ERBB4: variants seen among roughly 807,000 people sequenced by gnomAD.
ERBB4 encodes the protein receptor tyrosine-protein kinase erbB-4.
ERBB4 carries 42 observed loss-of-function variants against 158.0 expected under a neutral mutation model. The ratio of observed to expected loss-of-function variants is 0.27; its 90% confidence interval spans 0.21 to 0.34. The LOEUF is 0.34. Among genes scored for constraint, ERBB4 ranks in the 10% least tolerant of loss-of-function variants. The pLI is 1.00. For missense variants in ERBB4, 1,333 were observed against 1,624.1 expected, an observed-to-expected ratio of 0.82 and a Z score of 3.08; for synonymous variants, 583 against 558.7, an observed-to-expected ratio of 1.04 and a Z score of -0.61.
chr2:211,756,777 T>C (rs80114241), intron 4 of ERBB4, among the ~76,000 whole-genome samples: 4,761 of 152,282 alleles, frequency 0.031, 296 homozygotes, highest in East Asian at 0.23. Context: ...TGGCTTGGCA[T>C]ATAATTCCAA....
chr2:211,689,307 A>T (rs2072703237), intron 12 of ERBB4, among the ~76,000 whole-genome samples: 1 of 151,970 alleles, frequency 6.6e-6, no homozygotes, highest in South Asian at 2.1e-4. Context: ...TGATCCTTCC[A>T]CCTTAGCCTC....
intron 1 of ERBB4, among the ~76,000 whole-genome samples, chr2:212,316,186 C>A (rs1225223578): frequency 1.3e-5 from 2 of 151,380 alleles, no homozygotes; most frequent in Non-Finnish European, 3.0e-5. Flanking sequence ...CTAATACTAT[C>A]CTCAAAAACA....
At chr2:212,386,569 T>C (rs1442432731) in intron 1 of ERBB4, among the ~76,000 whole-genome samples, 13 of 142,050 alleles carry the variant, frequency 9.2e-5, no homozygotes. Context: ...TTCCTTTCTT[T>C]CTTAAAAAAA....
chr2:211,609,804 C>T (rs1393829105), intron 19 of ERBB4, among the ~76,000 whole-genome samples: 1 of 152,182 alleles, frequency 6.6e-6, no homozygotes, highest in Non-Finnish European at 1.5e-5. Flanking sequence ...TTGGCCCCTA[C>T]ACTGACAAAG....
In ERBB4 at chr2:211,703,312, T is replaced by C. The variant is rs1333538227; in HGVS notation, c.1289+792A>G. Among the ~76,000 whole-genome samples, 13 of 152,338 alleles carry C rather than the reference T, an allele frequency of 8.5e-5. No homozygotes were observed. The East Asian group carries it at 9.6e-4, about 11-fold the overall frequency. On this transcript the variant is annotated intron_variant, in intron 11 of 27. Transcript: ENST00000342788. Reference sequence around the variant, plus strand: ...ATATACAGCACTTTAATAGATTGTATCTTTCAACTATCCTTTCTTATTAAG... The same window carrying C: ...ATATACAGCACTTTAATAGATTGTACCTTTCAACTATCCTTTCTTATTAAG...
In ERBB4 at chr2:211,434,754, G is replaced by C. The variant is rs549709680; in HGVS notation, c.2488-3654C>G. ...TGAGAAATCAATTTTTAAAAACTAG[G>C]TGACAGTCTCTAGACAGTTTCCCTC... On this transcript the variant is annotated intron_variant, in intron 20 of 27. Transcript: ENST00000342788. Among the ~76,000 whole-genome samples the C allele has an allele frequency of 2.0e-5, 3 of 152,188 alleles. No individual in the cohort carries two copies. In the South Asian group the frequency reaches 6.2e-4, roughly 32 times the overall value.
At chr2:211,395,441 A>C (rs187452287) in intron 25 of ERBB4, among the ~76,000 whole-genome samples, 47 of 152,166 alleles carry the variant, frequency 3.1e-4, no homozygotes, top group African/African-American at 1.0e-3. Flanking sequence ...CCTCAAATTA[A>C]CTTTTAATAA....
intron 2 of ERBB4, among the ~76,000 whole-genome samples, chr2:211,973,773 C>CATGT (rs2081526627): frequency 6.6e-6 from 1 of 152,134 alleles, no homozygotes; most frequent in Non-Finnish European, 1.5e-5. Flanking sequence ...TATAATAGCA[C>CATGT]ATGCATGTGT....
intron 3 of ERBB4, among the ~76,000 whole-genome samples, chr2:211,940,109 A>G (rs1351097259): frequency 6.6e-6 from 1 of 152,004 alleles, no homozygotes; most frequent in Non-Finnish European, 1.5e-5. Context: ...TTCTAGCCCC[A>G]GCATTGTTGT....
At chr2:211,746,752 C>T (rs2074984699) in intron 5 of ERBB4, among the ~76,000 whole-genome samples, 1 of 151,428 alleles carries the variant, frequency 6.6e-6, no homozygotes, top group African/African-American at 2.4e-5. Context: ...ATTGCTTGAA[C>T]CCGGGAGGCG....
intron 14 of ERBB4, among the ~76,000 whole-genome samples, chr2:211,672,330 A>C (rs892038642): frequency 1.3e-5 from 2 of 152,286 alleles, no homozygotes; most frequent in South Asian, 2.1e-4. Flanking sequence ...AATTTGTCTA[A>C]AGAAGGATGA....
intron 1 of ERBB4, among the ~76,000 whole-genome samples, chr2:212,368,929 C>A (rs2089990288): frequency 6.6e-6 from 1 of 152,108 alleles, no homozygotes; most frequent in South Asian, 2.1e-4. Flanking sequence ...CATTGACATC[C>A]CCTGGAACTC....
rs528100189 is a variant in ERBB4, at chr2:212,255,089, T to C, written c.83-130186A>G. Reference sequence around the variant, plus strand: ...ATATTATTTAGACCATCAAAGGAGGTAGAAGAGAGTTCAACATTTTATAAT... The same window carrying C: ...ATATTATTTAGACCATCAAAGGAGGCAGAAGAGAGTTCAACATTTTATAAT... On this transcript the variant is annotated intron_variant, in intron 1 of 27. Transcript: ENST00000342788. Among the ~76,000 whole-genome samples, 218 of 152,268 alleles carry C rather than the reference T, an allele frequency of 1.4e-3. 1 individual carries two copies. The highest frequency in any genetic ancestry group is 4.9e-3 in the African/African-American group (204 of 41,564).
chr2:212,103,889 G>A (rs1238824758), intron 2 of ERBB4, among the ~76,000 whole-genome samples: 1 of 152,030 alleles, frequency 6.6e-6, no homozygotes, highest in Non-Finnish European at 1.5e-5. Context: ...TTCTGAAAGA[G>A]AATAGTACTT....
At chr2:212,028,621 C>T (rs1322670680) in intron 2 of ERBB4, among the ~76,000 whole-genome samples, 2 of 152,084 alleles carry the variant, frequency 1.3e-5, no homozygotes, top group African/African-American at 4.8e-5. Flanking sequence ...TAACAGACTG[C>T]ACGCAGGCAA....
intron 6 of ERBB4, among the ~76,000 whole-genome samples, 191 bp from the exon 7 acceptor site, chr2:211,722,725 T>C (rs2074143766): frequency 6.6e-6 from 1 of 152,212 alleles, no homozygotes; most frequent in African/African-American, 2.4e-5. Flanking sequence ...AATAGGAAAA[T>C]TTATGGCTAC....
At chr2:211,679,852 G>T (rs1403165113) in intron 12 of ERBB4, among the ~76,000 whole-genome samples, 1 of 152,044 alleles carries the variant, frequency 6.6e-6, no homozygotes, top group East Asian at 1.9e-4. Flanking sequence ...GATAATTTTT[G>T]TATTTTTAGT....
chr2:212,191,055 G>T (rs2082173734), intron 1 of ERBB4, among the ~76,000 whole-genome samples: 1 of 150,648 alleles, frequency 6.6e-6, no homozygotes, highest in South Asian at 2.1e-4. Context: ...TTTAGATAAA[G>T]ATAAACCACT....
intron 1 of ERBB4, among the ~76,000 whole-genome samples, chr2:212,339,634 G>A (rs1481603486): frequency 1.3e-5 from 2 of 152,114 alleles, no homozygotes; most frequent in African/African-American, 4.8e-5. Flanking sequence ...TTCACTGAGT[G>A]AGCTCAACTT....
Sources: allele counts gnomAD v4.1 joint callset (sites outside exome capture counted in the v4.1 genomes callset), GRCh38; gene constraint gnomAD v4.1.1; transcripts MANE v1.5; gene names NCBI Gene and HGNC (gene_info 2026-07-23, HGNC 2026-07-21).